The following CDIP1 variants were observed in gnomAD, a reference collection of about 807,000 sequenced individuals.
CDIP1 encodes the protein cell death-inducing p53-target protein 1.
In CDIP1, 9 loss-of-function variants were observed where a neutral mutation model predicts 17.7. The ratio of observed to expected loss-of-function variants is 0.51; its 90% CI spans 0.31 to 0.89. The LOEUF (loss-of-function observed/expected upper bound fraction) is 0.89. Ranked by LOEUF, CDIP1 falls within the 40% of genes least tolerant of loss-of-function variation. The pLI is 0.05. For missense variants in CDIP1, 263 were observed against 277.9 expected (o/e 0.95, Z 0.38); for synonymous variants, 117 against 109.5 (o/e 1.07, Z -0.43).
At chr16:4,519,822 GCA>G (rs2058926597) in intron 1 of CDIP1, among the ~76,000 whole-genome samples, 1 of 151,678 alleles carries the variant, frequency 6.6e-6, no homozygotes, top group Non-Finnish European at 1.5e-5. Context: ...TGTGATCTCT[GCA>G]CAGAGACCCC....
chr16:4,518,781 G>A (rs1013253765), intron 1 of CDIP1, among the ~76,000 whole-genome samples: 1 of 152,202 alleles, frequency 6.6e-6, no homozygotes, highest in African/African-American at 2.4e-5. Context: ...TCAATCACAC[G>A]ATCAGAAGCA....
intron 1 of CDIP1, among the ~76,000 whole-genome samples, chr16:4,517,465 G>A (rs2058899961): frequency 6.6e-6 from 1 of 152,092 alleles, no homozygotes; most frequent in Non-Finnish European, 1.5e-5. Context: ...CCAGGTGCAG[G>A]GACTTATTCC....
At chr16:4,522,795 G>A (rs569939128) in intron 1 of CDIP1, among the ~76,000 whole-genome samples, 5 of 152,330 alleles carry the variant, frequency 3.3e-5, no homozygotes, top group Non-Finnish European at 7.3e-5. Flanking sequence ...ACAGGGCAGC[G>A]GGAAAAGGAG....
intron 1 of CDIP1, among the ~76,000 whole-genome samples, chr16:4,534,759 C>T (rs1191927488): frequency 6.0e-5 from 9 of 150,152 alleles, no homozygotes; most frequent in African/African-American, 2.2e-4. Context: ...TGCTCTGTCA[C>T]CCAGGCTGGA....
intron 1 of CDIP1, chr16:4,538,255 G>A (rs1416773044): frequency 7.9e-5 from 12 of 152,158 alleles, no homozygotes; most frequent in African/African-American, 2.4e-4. Flanking sequence ...GGCCGCGCTA[G>A]GTCTCGGCAG....
intron 1 of CDIP1, among the ~76,000 whole-genome samples, chr16:4,531,590 G>C (rs964037560): frequency 6.6e-6 from 1 of 152,234 alleles, no homozygotes; most frequent in African/African-American, 2.4e-5. Flanking sequence ...TGCTGGAGAT[G>C]ACGGTGGGCG....
In CDIP1 at chr16:4,538,547, G is replaced by C. The variant is rs970980543; in HGVS notation, c.-105+155C>G. On this transcript the variant is annotated intron_variant, in intron 1 of 5. Transcript: ENST00000567695. ...TGAGAGGCTGGGGACTACGGTGCCC[G>C]GCATGCACCGCCCAGGCGCCGCGGG... The C allele has an allele frequency of 3.4e-5, 5 of 148,880 alleles. No homozygotes were observed. The Admixed American group carries it at 3.4e-4, about 10-fold the overall frequency. 9.2% of individuals were successfully genotyped at this position (148,880 alleles called of 1,614,324 possible). A position where few individuals can be genotyped will look rare whatever the true frequency, so the allele number is the denominator to read the frequency against.
rs564382256 is a variant in CDIP1, at chr16:4,513,123, A to G, written c.242-59T>C. ...ACTGGCCTGCCACCTGCACCAGACA[A>G]AGAGATTGGCGCAAAGCCCCACGGT... On this transcript the variant is annotated intron_variant, in intron 4 of 5. Coordinates refer to ENST00000567695, the MANE Select transcript of CDIP1 (RefSeq NM_013399.3). The surrounding 1 kb of genome is among the most constrained non-coding windows in gnomAD (Gnocchi z 4.1). 2.0e-6 allele frequency: 3 copies of G among 1,474,170 alleles called. No individual in the cohort carries two copies. The highest frequency in any genetic ancestry group is 2.7e-6 in the Non-Finnish European group (3 of 1,109,594). 91.3% of individuals were successfully genotyped at this position (1,474,170 alleles called of 1,614,324 possible). A position where few individuals can be genotyped will look rare whatever the true frequency, so the allele number is the denominator to read the frequency against.
intron 1 of CDIP1, among the ~76,000 whole-genome samples, chr16:4,518,169 C>G (rs935036406): frequency 6.6e-6 from 1 of 152,216 alleles, no homozygotes; most frequent in East Asian, 1.9e-4. Context: ...CACACACACA[C>G]GTGTGCACAC....
At chr16:4,522,734 C>G (rs567453486) in intron 1 of CDIP1, among the ~76,000 whole-genome samples, 2 of 152,344 alleles carry the variant, frequency 1.3e-5, no homozygotes, top group South Asian at 4.1e-4. Flanking sequence ...CAGGAGCTCA[C>G]GTGGGCCTCA....
chr16:4,517,674 G>A (rs1480353776), intron 1 of CDIP1, among the ~76,000 whole-genome samples: 4 of 152,036 alleles, frequency 2.6e-5, no homozygotes, highest in East Asian at 1.9e-4. Context: ...CCAAGACTCA[G>A]AGGATACAGT....
chr16:4,530,846 AG>A (rs2059049150), intron 1 of CDIP1, among the ~76,000 whole-genome samples: 2 of 152,080 alleles, frequency 1.3e-5, no homozygotes, highest in Admixed American at 6.6e-5. Flanking sequence ...TCAAAAAAAA[AG>A]AAAGAAATAG....
intron 1 of CDIP1, among the ~76,000 whole-genome samples, chr16:4,525,746 C>T (rs758705713): frequency 1.1e-4 from 17 of 152,166 alleles, no homozygotes; most frequent in Non-Finnish European, 2.1e-4. Flanking sequence ...TGAGGCTGAG[C>T]CCTCCCAAGA....
At chr16:4,531,659 C>T (rs1396353956) in intron 1 of CDIP1, among the ~76,000 whole-genome samples, 3 of 152,248 alleles carry the variant, frequency 2.0e-5, no homozygotes, top group Admixed American at 6.5e-5. Flanking sequence ...CTGCCCCGGG[C>T]ACCCCAGCTG....
rs774584265 is a variant in CDIP1, at chr16:4,513,112, T to C, written c.242-48A>G. The C allele has an allele frequency of 3.3e-6, 5 of 1,510,160 alleles. No homozygotes were observed. In the South Asian group the frequency reaches 6.4e-5, roughly 19 times the overall value. 93.5% of individuals were successfully genotyped at this position (1,510,160 alleles called of 1,614,324 possible). On this transcript the variant is annotated intron_variant, in intron 4 of 5. Transcript: ENST00000567695. This position sits in a 1 kb window ranked among gnomAD's most constrained non-coding sequence, Gnocchi z 4.1. ...GGCGAGAGGTCACTGGCCTGCCACCTGCACCAGACAAAGAGATTGGCGCAA... is the reference window on the plus strand; with the variant it reads ...GGCGAGAGGTCACTGGCCTGCCACCCGCACCAGACAAAGAGATTGGCGCAA...
intron 1 of CDIP1, chr16:4,536,409 G>C (rs1167406755): frequency 6.6e-6 from 1 of 152,148 alleles, no homozygotes; most frequent in Admixed American, 6.6e-5. Context: ...AACACACACT[G>C]AACTGGTAGG....
chr16:4,535,503 C>CCTT (rs1204580967), intron 1 of CDIP1, among the ~76,000 whole-genome samples: 1 of 152,226 alleles, frequency 6.6e-6, no homozygotes, highest in Non-Finnish European at 1.5e-5. Flanking sequence ...CGTCAGGGAC[C>CCTT]CTTCATCTCT....
At chr16:4,519,977 A>G (rs564483709) in intron 1 of CDIP1, among the ~76,000 whole-genome samples, 2 of 152,338 alleles carry the variant, frequency 1.3e-5, no homozygotes, top group African/African-American at 4.8e-5. Context: ...GGTAATTTAT[A>G]GCAACACAAA....
At chr16:4,522,163 T>G (rs1031522573) in intron 1 of CDIP1, among the ~76,000 whole-genome samples, 2 of 152,184 alleles carry the variant, frequency 1.3e-5, no homozygotes, top group African/African-American at 4.8e-5. Context: ...ACAGCTCAGC[T>G]GGGCCACCTG....
Sources: allele counts gnomAD v4.1 joint callset (sites outside exome capture counted in the v4.1 genomes callset), GRCh38; gene constraint gnomAD v4.1.1; non-coding constraint Gnocchi (gnomAD v3.1); transcripts MANE v1.5; gene names NCBI Gene and HGNC (gene_info 2026-07-23, HGNC 2026-07-21).